RBL1: variants seen among roughly 807,000 people sequenced by gnomAD.
RBL1 encodes RB transcriptional corepressor like 1.
In RBL1, 82 loss-of-function variants were observed where a neutral mutation model predicts 123.0. That is an observed-to-expected ratio of 0.67 (90% confidence interval 0.56 to 0.80). RBL1 has a LOEUF of 0.80. Ranked by LOEUF, RBL1 falls within the 30% of genes least tolerant of loss-of-function variation. RBL1 has a pLI of 0.00. For missense variants in RBL1, 1,171 were observed against 1,299.6 expected (o/e 0.90, Z 1.52); for synonymous variants, 405 against 441.3 (o/e 0.92, Z 1.03).
intron 9 of RBL1, among the ~76,000 whole-genome samples, chr20:37,057,149 G>A (rs13038530): frequency 6.6e-6 from 1 of 152,122 alleles, no homozygotes; most frequent in Non-Finnish European, 1.5e-5. Context: ...TGGGAATAAT[G>A]CTGCAGTTAA....
chr20:37,046,609 CT>C (rs565859682), intron 12 of RBL1, among the ~76,000 whole-genome samples: 440 of 140,058 alleles, frequency 3.1e-3, no homozygotes, highest in African/African-American at 4.0e-3. Context: ...TATATATTAT[CT>C]TTTTTTTTTT....
At chr20:37,090,926 A>G (rs549725648) in intron 1 of RBL1, among the ~76,000 whole-genome samples, 4 of 152,336 alleles carry the variant, frequency 2.6e-5, no homozygotes, top group Admixed American at 2.6e-4. Flanking sequence ...ATATTAGTAG[A>G]TATCTCAATT....
At chr20:37,051,923 C>T (rs554165963) in intron 11 of RBL1, among the ~76,000 whole-genome samples, 2 of 151,726 alleles carry the variant, frequency 1.3e-5, no homozygotes, top group African/African-American at 4.8e-5. Flanking sequence ...AAAAGATATG[C>T]CATGCAAACA....
Position 37,074,067 on chromosome 20 carries a change from C to T in RBL1, c.291-5881G>A, listed in dbSNP as rs144608505. ...CGGAGCTTGCAGTGAGCTGAGATCG[C>T]GCCACTGCACTCCAGCCTGGGCAAC... On this transcript the variant is annotated intron_variant, in intron 2 of 21. Transcript: ENST00000373664. Among the ~76,000 whole-genome samples the T allele has an allele frequency of 2.8e-3, 423 of 151,888 alleles. 2 individuals are homozygous for T. The highest frequency in any genetic ancestry group is 9.5e-3 in the African/African-American group (393 of 41,402).
chr20:36,999,626 C>G (rs980042081), intron 21 of RBL1, among the ~76,000 whole-genome samples: 188 of 149,892 alleles, frequency 1.3e-3, no homozygotes, highest in African/African-American at 4.4e-3. Context: ...CGAGTGCCTG[C>G]GATTGCAGGC....
chr20:37,093,466 C>T (rs1297866402), intron 1 of RBL1, among the ~76,000 whole-genome samples: 1 of 151,974 alleles, frequency 6.6e-6, no homozygotes, highest in Non-Finnish European at 1.5e-5. Context: ...TAGTCAGATA[C>T]TATCTCCACA....
Position 37,067,238 on chromosome 20 carries a change from G to A in RBL1, c.551C>T (p.Thr184Ile). ...FNFCWTLFVY[T>I]KGNFRMIGDD... is the part of the protein sequence containing the mutation. ...CACTGAAAGTGTCATCTTACCCTTAGTATAAACAAAAAGTGTCCAACAGAA... is the reference window on the plus strand; with the variant it reads ...CACTGAAAGTGTCATCTTACCCTTAATATAAACAAAAAGTGTCCAACAGAA... The change falls in exon 4 of 22, where the codon ACT becomes ATT. Residue 184 changes from threonine (T) to isoleucine (I), a missense_variant. Thr to Ile is a moderately conservative substitution (Grantham distance 89). Transcript: ENST00000373664. 1 of 1,604,744 alleles carries A rather than the reference G, an allele frequency of 6.2e-7. No individual in the cohort carries two copies. Among genetic ancestry groups the A allele is most frequent in the Non-Finnish European group, 8.5e-7 (1 of 1,176,958 alleles).
chr20:37,068,132 T>A lies in RBL1; in HGVS notation c.345A>T (p.Pro115=). 6.2e-7 allele frequency: 1 copy of A among 1,612,432 alleles called. No individual in the cohort carries two copies. Among genetic ancestry groups the A allele is most frequent in the Non-Finnish European group, 8.5e-7 (1 of 1,179,470 alleles). ...MKKWMDMSNL[P]QEFRERIERL... is the part of the protein sequence containing the mutation. ...TTTCTATACGTTCACGAAATTCTTG[T>A]GGTAGATTTGACATGTCCATCCATT... Residue 115 remains proline (P), a synonymous_variant, in exon 3 of 22, where the codon CCA becomes CCT. Coordinates refer to ENST00000373664, the MANE Select transcript of RBL1 (RefSeq NM_002895.5).
chr20:37,016,247 C>G (rs1043075162), intron 19 of RBL1, among the ~76,000 whole-genome samples: 1 of 151,872 alleles, frequency 6.6e-6, no homozygotes, highest in Non-Finnish European at 1.5e-5. Context: ...AGGCTGGTCT[C>G]GAACTCCTGA....
intron 19 of RBL1, among the ~76,000 whole-genome samples, chr20:37,008,895 T>C (rs1437325153): frequency 6.6e-6 from 1 of 152,156 alleles, no homozygotes. Flanking sequence ...GTATATTATA[T>C]TGGAAATTCA....
At chr20:37,026,525 G>T (rs924435750) in intron 16 of RBL1, among the ~76,000 whole-genome samples, 3 of 151,998 alleles carry the variant, frequency 2.0e-5, no homozygotes, top group Non-Finnish European at 2.9e-5. Flanking sequence ...CCAAGATGAT[G>T]AAATCCCATC....
intron 16 of RBL1, among the ~76,000 whole-genome samples, chr20:37,024,872 T>G (rs1179406279): frequency 1.3e-5 from 2 of 151,962 alleles, no homozygotes; most frequent in African/African-American, 4.8e-5. Context: ...TAGGAGGGGG[T>G]GAAGGGACAG....
Position 37,056,161 on chromosome 20 carries a change from G to T in RBL1, c.1348C>A (p.Pro450Thr). 6.2e-7 allele frequency: 1 copy of T among 1,607,668 alleles called. No individual in the cohort carries two copies. The change falls in exon 10 of 22, where the codon CCA becomes ACA. Residue 450 changes from proline to threonine, a missense_variant. Transcript: ENST00000373664. ...CTTTTCTTACCTATGTGAGATCCTGGCTGTTCATCTGTTGATTGAGTATAG... is the reference window on the plus strand; with the variant it reads ...CTTTTCTTACCTATGTGAGATCCTGTCTGTTCATCTGTTGATTGAGTATAG... ...QHYTQSTDEQ[P>T]GSHIDFAVNR...
At chr20:37,064,008 G>A (rs865811976) in intron 7 of RBL1, among the ~76,000 whole-genome samples, 8 of 150,334 alleles carry the variant, frequency 5.3e-5, no homozygotes, top group Middle Eastern at 3.5e-3. Context: ...TTTTTGTAGA[G>A]ACAAGGTTTC....
intron 2 of RBL1, among the ~76,000 whole-genome samples, chr20:37,068,649 T>C (rs2065223522): frequency 6.6e-6 from 1 of 152,170 alleles, no homozygotes; most frequent in Non-Finnish European, 1.5e-5. Flanking sequence ...CGAGAGCACC[T>C]ATCTACTTCC....
chr20:37,038,238 T>G (rs1396165183), intron 14 of RBL1, among the ~76,000 whole-genome samples: 1 of 148,630 alleles, frequency 6.7e-6, no homozygotes, highest in Non-Finnish European at 1.5e-5. Flanking sequence ...ATGATCCACC[T>G]GCCTCGGCCT....
At chr20:37,032,569 A>G (rs949677213) in intron 16 of RBL1, 96 bp downstream of exon 16, 2 of 1,536,702 alleles carry the variant, frequency 1.3e-6, no homozygotes, top group Non-Finnish European at 1.7e-6. Context: ...TGTGTTATGT[A>G]TATTAGAAAA....
intron 2 of RBL1, among the ~76,000 whole-genome samples, chr20:37,086,533 T>C (rs1430299543): frequency 1.3e-5 from 2 of 151,764 alleles, no homozygotes; most frequent in African/African-American, 4.8e-5. Context: ...AGAGCAAAAC[T>C]CCGTCTCAAA....
chr20:37,000,925 C>T (rs1268387503), intron 21 of RBL1, among the ~76,000 whole-genome samples: 16 of 145,472 alleles, frequency 1.1e-4, no homozygotes, highest in Admixed American at 8.7e-4. Context: ...CCCGGCCAGC[C>T]GCCCCATCCG....
Sources: allele counts gnomAD v4.1 joint callset (sites outside exome capture counted in the v4.1 genomes callset), GRCh38; gene constraint gnomAD v4.1.1; transcripts MANE v1.5; gene names NCBI Gene and HGNC (gene_info 2026-07-23, HGNC 2026-07-21).